ENO4: variants seen among roughly 807,000 people sequenced by gnomAD.
ENO4 encodes the protein enolase 4.
In ENO4, 53 loss-of-function variants were observed where a neutral mutation model predicts 63.2. The ratio of observed to expected loss-of-function variants is 0.84; its 90% CI spans 0.67 to 1.05. ENO4 has a LOEUF of 1.05. Ranked by LOEUF, ENO4 falls within the 50% of genes least tolerant of loss-of-function variation. The pLI, the probability that ENO4 is intolerant of heterozygous loss-of-function variation, is 0.00. For missense variants in ENO4, 719 were observed against 772.0 expected, an observed-to-expected ratio of 0.93 and a Z score of 0.81; for synonymous variants, 266 against 283.8, an observed-to-expected ratio of 0.94 and a Z score of 0.63.
Position 116,849,573 on chromosome 10 carries a change from G to A in ENO4, c.7G>A (p.Glu3Lys), listed in dbSNP as rs1309028304. ME[E>K]EGGGRSCGTT... is the part of the protein sequence containing the mutation. ...TAGCCTTAAATCTCCTACCATGGAG[G>A]AAGAAGGCGGCGGCCGCAGCTGTGG... Residue 3 changes from glutamate (E) to lysine (K), a missense_variant, in exon 1 of 14, where the codon GAA (glutamate) becomes AAA (lysine). By Grantham distance (56) the Glu-to-Lys change is moderately conservative. Coordinates refer to ENST00000341276, the MANE Select transcript of ENO4 (RefSeq NM_001242699.2). The A allele has an allele frequency of 1.9e-6, 3 of 1,541,792 alleles. No individual in the cohort carries two copies. The highest frequency in any genetic ancestry group is 2.7e-5 in the African/African-American group (2 of 72,814).
chr10:116,906,509 C>T, intron 10 of ENO4: 4 of 1,034,520 alleles, frequency 3.9e-6, no homozygotes, highest in South Asian at 4.4e-5. Flanking sequence ...TTCTCACTCA[C>T]ATTAAAAACA....
intron 9 of ENO4, 115 bp from the exon 10 acceptor site, chr10:116,873,961 A>G: frequency 1.5e-6 from 2 of 1,338,850 alleles, no homozygotes; most frequent in Non-Finnish European, 2.0e-6. Context: ...CCCTGAAAAG[A>G]ACCTGTTTAC....
At chr10:116,850,504 A>G (rs1389590348) in intron 1 of ENO4, among the ~76,000 whole-genome samples, 2 of 152,032 alleles carry the variant, frequency 1.3e-5, no homozygotes, top group South Asian at 2.1e-4. Context: ...TTCCAGATCT[A>G]TAAGTAGTAA....
At chr10:116,883,530 T>G (rs1307638999), downstream of ENO4, 1 of 152,162 alleles carries the variant, frequency 6.6e-6, no homozygotes. Flanking sequence ...CCACAACGAG[T>G]GTAACTGAAC....
chr10:116,855,828 A>G, intron 2 of ENO4, 77 bp downstream of exon 2: 1 of 1,403,242 alleles, frequency 7.1e-7, no homozygotes, highest in Non-Finnish European at 9.4e-7. Flanking sequence ...TAAGCTGTAG[A>G]AAATTATTGT....
intron 10 of ENO4, among the ~76,000 whole-genome samples, chr10:116,895,247 A>G (rs1847478277): frequency 1.3e-5 from 2 of 152,170 alleles, no homozygotes; most frequent in African/African-American, 4.8e-5. Flanking sequence ...CTGGGAAAAA[A>G]CTATTTCTCA....
chr10:116,872,514 C>A (rs1299714713), intron 9 of ENO4, among the ~76,000 whole-genome samples: 1 of 152,172 alleles, frequency 6.6e-6, no homozygotes, highest in Non-Finnish European at 1.5e-5. Flanking sequence ...CTCTCTCTTG[C>A]CTGCTGCCAT....
intron 10 of ENO4, chr10:116,908,007 CA>C (rs375771157): frequency 5.6e-5 from 25 of 450,070 alleles, no homozygotes; most frequent in Admixed American, 1.0e-4. Flanking sequence ...GCATGTAAAA[CA>C]AAAAAAAGGT....
intron 1 of ENO4, 121 bp downstream of exon 1, chr10:116,849,852 G>A (rs1277333319): frequency 8.6e-7 from 1 of 1,156,640 alleles, no homozygotes; most frequent in African/African-American, 1.5e-5. Context: ...CCCGGGCCCT[G>A]GGCCTGCGTG....
At chr10:116,856,796 T>G (rs1589750086) in intron 3 of ENO4, 114 bp downstream of exon 3, 1 of 875,174 alleles carries the variant, frequency 1.1e-6, no homozygotes, top group Middle Eastern at 3.6e-4. Context: ...GGTCAGGAGG[T>G]CGAGACCACG....
intron 10 of ENO4, among the ~76,000 whole-genome samples, chr10:116,899,211 A>G (rs1847632259): frequency 1.3e-5 from 2 of 152,230 alleles, no homozygotes; most frequent in African/African-American, 4.8e-5. Flanking sequence ...AAAACAATAA[A>G]TATAATAAAT....
Position 116,903,596 on chromosome 10 carries a change from G to A in ENO4, c.1195-7903G>A, listed in dbSNP as rs560144781. Among the ~76,000 whole-genome samples, 140 of 152,168 alleles carry A rather than the reference G, an allele frequency of 9.2e-4. 1 individual carries two copies. The highest frequency in any genetic ancestry group is 4.0e-4 in the Non-Finnish European group (27 of 68,004). ...TGTTGCATGGAGCTGTGGCAGTTAC[G>A]ACAGAAGGGCAGAACAGAAAGATCA... On this transcript the variant is annotated intron_variant, in intron 10 of 10. Transcript: ENST00000369207.
intron 6 of ENO4, 29 bp downstream of exon 6, chr10:116,861,219 TCTA>T: frequency 1.4e-6 from 1 of 737,178 alleles, no homozygotes; most frequent in Non-Finnish European, 1.8e-6. Context: ...AATTACCTTT[TCTA>T]AAAAAAAAAA....
chr10:116,881,987 C>A lies in ENO4; in HGVS notation c.*318C>A. On this transcript the variant is annotated 3_prime_UTR_variant, in exon 14 of 14. Transcript: ENST00000341276. ...CAACTCCACACTCAGTCAAACACCC[C>A]ATCCTTTACCAATCAGAATATCTCT... The A allele has an allele frequency of 4.7e-6, 1 of 214,260 alleles. No individual in the cohort carries two copies. Among genetic ancestry groups the A allele is most frequent in the Non-Finnish European group, 9.2e-6 (1 of 109,164 alleles). The allele number at this position is 214,260 out of a possible 1,614,324, so 13.3% of individuals were successfully genotyped here.
chr10:116,851,369 C>G (rs142120574), intron 1 of ENO4, among the ~76,000 whole-genome samples: 10 of 152,152 alleles, frequency 6.6e-5, no homozygotes, highest in Non-Finnish European at 1.2e-4. Context: ...GCTTGGACTT[C>G]GAAGGATGTT....
chr10:116,906,800 CA>C (rs1407756432), intron 10 of ENO4: 41 of 1,383,008 alleles, frequency 3.0e-5, no homozygotes, highest in Non-Finnish European at 3.6e-5. Context: ...ATACAATATA[CA>C]AAAGAATATA....
Position 116,881,637 on chromosome 10 carries a change from G to GA in ENO4, c.1848dup (p.Ser617IlefsTer30), listed in dbSNP as rs1451989832. ...CACCTTCCCCACACAAGGTGTAGAG[G>GA]AATCAGCCGAAACAGGAGCATCCTC... is the stretch of plus-strand genomic sequence containing the variant. On this transcript the variant is annotated frameshift_variant, in exon 14 of 14. Transcript: ENST00000341276. LOFTEE classifies it low-confidence loss of function (END_TRUNC). 6 of 1,548,654 alleles carry GA rather than the reference G, an allele frequency of 3.9e-6. No homozygotes were observed. Among genetic ancestry groups the GA allele is most frequent in the Non-Finnish European group, 5.2e-6 (6 of 1,146,098 alleles).
chr10:116,880,627 T>A (rs1846979039), intron 13 of ENO4, among the ~76,000 whole-genome samples: 1 of 152,216 alleles, frequency 6.6e-6, no homozygotes, highest in Admixed American at 6.5e-5. Flanking sequence ...CTTGTCATGT[T>A]TAACGTATGT....
chr10:116,849,615 C>T lies in ENO4; in HGVS notation c.49C>T (p.Gln17Ter). The T allele has an allele frequency of 6.5e-7, 1 of 1,550,052 alleles. No individual in the cohort carries two copies. Among genetic ancestry groups the T allele is most frequent in the South Asian group, 1.2e-5 (1 of 83,982 alleles). The change falls in exon 1 of 14, where the codon CAG becomes TAG. Residue 17 changes from glutamine (Q) to a stop codon, truncating the protein, a stop_gained. Transcript: ENST00000341276. LOFTEE classifies it high-confidence loss of function. The part of the protein sequence containing the change: ...GRSCGTTREL[Q>*]KLKQQAMEYY... ...CAGCTGTGGGACCACTAGGGAGCTG[C>T]AGAAGCTGAAGCAGCAGGCGATGGA...
Sources: allele counts gnomAD v4.1 joint callset (sites outside exome capture counted in the v4.1 genomes callset), GRCh38; gene constraint gnomAD v4.1.1; transcripts MANE v1.5; gene names NCBI Gene and HGNC (gene_info 2026-07-23, HGNC 2026-07-21).